PLEKHA7: variants seen among roughly 807,000 people sequenced by gnomAD.
PLEKHA7 encodes the protein pleckstrin homology domain-containing family A member 7.
PLEKHA7 carries 104 observed loss-of-function variants against 170.0 expected under a neutral mutation model. That is an observed-to-expected ratio of 0.61 (90% CI 0.52 to 0.72). PLEKHA7 has a LOEUF of 0.72. PLEKHA7 is among the 30% of genes least tolerant of loss of function. The pLI, the probability that PLEKHA7 is intolerant of heterozygous loss-of-function variation, is 0.00. For missense variants in PLEKHA7, 1,615 were observed against 1,671.7 expected (o/e 0.97, Z 0.59); for synonymous variants, 648 against 660.8 (o/e 0.98, Z 0.30).
chr11:16,906,380 G>A (rs1857706632), intron 3 of PLEKHA7, among the ~76,000 whole-genome samples: 1 of 129,760 alleles, frequency 7.7e-6, no homozygotes, highest in Admixed American at 7.9e-5. Flanking sequence ...AGCCAAAGCT[G>A]GACTGTACTG....
chr11:17,001,618 C>T (rs1696449996), intron 3 of PLEKHA7, among the ~76,000 whole-genome samples: 2 of 152,170 alleles, frequency 1.3e-5, no homozygotes, highest in Non-Finnish European at 1.5e-5. Context: ...GCATGCTGCT[C>T]CCCTTCCCTG....
chr11:16,800,062 T>C (rs1848487639), intron 17 of PLEKHA7, among the ~76,000 whole-genome samples: 1 of 152,196 alleles, frequency 6.6e-6, no homozygotes, highest in African/African-American at 2.4e-5. Context: ...GTTAGAACTA[T>C]CTTATCAGTT....
At position 16,826,145 on chromosome 11, in the gene PLEKHA7, T is replaced by G. The variant is rs1474140433; in HGVS notation, c.1318A>C (p.Arg440=). ...SNLAQVEHWA[R]AQKGDSRSLP... ...CTCCTGCTATCCCCTTTCTGGGCCCTTGCCCAGTGCTCCACCTGGGCCAGA... is the reference window on the plus strand; with the variant it reads ...CTCCTGCTATCCCCTTTCTGGGCCCGTGCCCAGTGCTCCACCTGGGCCAGA... The change falls in exon 10 of 27, where the codon AGG becomes CGG. Residue 440 remains arginine (R), a synonymous_variant. Transcript: ENST00000531066. 6.2e-7 allele frequency: 1 copy of G among 1,613,808 alleles called. No individual in the cohort carries two copies.
rs961873485 is a variant in PLEKHA7, at chr11:16,973,597, A to G, written c.221+40392T>C. ...AAATCACTTGGGGGCTTAAAGGAAA[A>G]TACTGCCAGGGACCCAACCTCAGAG... On this transcript the variant is annotated intron_variant, in intron 3 of 26. Transcript: ENST00000531066. Among the ~76,000 whole-genome samples, 10 of 152,262 alleles carry G rather than the reference A, an allele frequency of 6.6e-5. No homozygotes were observed. In the East Asian group the frequency reaches 1.9e-3, roughly 29 times the overall value.
chr11:16,863,849 C>T (rs1259263729), intron 4 of PLEKHA7, among the ~76,000 whole-genome samples: 1 of 142,808 alleles, frequency 7.0e-6, no homozygotes, highest in Admixed American at 7.2e-5. Context: ...AAGAAAGTCA[C>T]TGAGAATCAG....
rs775476074 is a variant in PLEKHA7, at chr11:16,817,173, G to A, written c.1493C>T (p.Ala498Val). 1.5e-5 allele frequency: 24 copies of A among 1,614,042 alleles called. No individual in the cohort carries two copies. Among genetic ancestry groups the A allele is most frequent in the South Asian group, 7.7e-5 (7 of 91,090 alleles). ...PRNLPSDYKY[A>V]QDRASHLKMS... ...CTTCAGGTGGCTGGCTCGGTCCTGC[G>A]CATACTTGTAGTCACTTGGCAGGTT... Residue 498 changes from alanine to valine, a missense_variant, in exon 11 of 27, where the codon GCG becomes GTG. Physicochemically the swap from Ala to Val is moderately conservative, Grantham distance 64. Transcript: ENST00000531066. The surrounding 1 kb of genome is among the most constrained non-coding windows in gnomAD (Gnocchi z 4.4).
At chr11:16,806,027 C>T (rs1164648743) in intron 13 of PLEKHA7, among the ~76,000 whole-genome samples, 1 of 152,188 alleles carries the variant, frequency 6.6e-6, no homozygotes, top group Non-Finnish European at 1.5e-5. Flanking sequence ...TCTCTCCTCA[C>T]TAGAGAGTAA....
intron 3 of PLEKHA7, among the ~76,000 whole-genome samples, chr11:16,906,891 C>A (rs1240711788): frequency 5.4e-3 from 731 of 135,694 alleles, no homozygotes; most frequent in African/African-American, 0.025. Flanking sequence ...AGCGTCTCTG[C>A]CACGCCGCCC....
intron 24 of PLEKHA7, among the ~76,000 whole-genome samples, chr11:16,785,470 C>T (rs191801512): frequency 2.2e-4 from 34 of 152,292 alleles, no homozygotes; most frequent in African/African-American, 7.5e-4. Flanking sequence ...AGGCCCTGTG[C>T]CAGGGACTAG....
chr11:16,871,494 T>C (rs1400967626), intron 3 of PLEKHA7, among the ~76,000 whole-genome samples: 1 of 152,120 alleles, frequency 6.6e-6, no homozygotes, highest in African/African-American at 2.4e-5. Flanking sequence ...ACTGAGACGA[T>C]GAACAAAAAG....
chr11:16,913,773 A>T (rs1026578888), intron 3 of PLEKHA7, among the ~76,000 whole-genome samples: 2 of 152,230 alleles, frequency 1.3e-5, no homozygotes, highest in African/African-American at 4.8e-5. Context: ...CCTTCTGTGC[A>T]CAATGGTCAG....
chr11:16,870,571 A>G (rs1279308070), intron 4 of PLEKHA7, among the ~76,000 whole-genome samples: 2 of 151,248 alleles, frequency 1.3e-5, no homozygotes, highest in Admixed American at 6.6e-5. Context: ...CCAAGGCTGC[A>G]GTGAGCCAAG....
At chr11:16,790,978 TG>T in intron 20 of PLEKHA7, 32 bp downstream of exon 20, 1 of 1,613,858 alleles carries the variant, frequency 6.2e-7, no homozygotes, top group Non-Finnish European at 8.5e-7. Context: ...TCTCCCCACA[TG>T]TAGAGTGGCA....
intron 3 of PLEKHA7, among the ~76,000 whole-genome samples, chr11:16,905,851 G>C (rs969244004): frequency 6.6e-6 from 1 of 152,148 alleles, no homozygotes; most frequent in African/African-American, 2.4e-5. Flanking sequence ...ATTTATTTAA[G>C]ACAGGAATCA....
chr11:16,782,608 AG>A, intron 26 of PLEKHA7, 145 bp downstream of exon 26: 1 of 1,022,918 alleles, frequency 9.8e-7, no homozygotes, highest in Non-Finnish European at 1.4e-6. Context: ...CAGGATGCCG[AG>A]TGGTCAGGGG....
intron 13 of PLEKHA7, among the ~76,000 whole-genome samples, chr11:16,803,982 T>A (rs1307942458): frequency 6.6e-6 from 1 of 152,232 alleles, no homozygotes; most frequent in Non-Finnish European, 1.5e-5. Context: ...CACCCAAACT[T>A]GCGGGCCAAT....
intron 3 of PLEKHA7, among the ~76,000 whole-genome samples, chr11:16,930,959 A>G (rs1418017505): frequency 6.6e-6 from 1 of 152,200 alleles, no homozygotes; most frequent in East Asian, 1.9e-4. Flanking sequence ...CATGGAGCAC[A>G]CCACCAAGGA....
At chr11:16,827,351 T>G (rs761451610) in intron 9 of PLEKHA7, among the ~76,000 whole-genome samples, 1 of 152,198 alleles carries the variant, frequency 6.6e-6, no homozygotes, top group African/African-American at 2.4e-5. Context: ...ATTTTAGCAA[T>G]AAGGAAACTG....
chr11:16,809,384 T>C (rs532760002), intron 13 of PLEKHA7, among the ~76,000 whole-genome samples: 7 of 152,130 alleles, frequency 4.6e-5, no homozygotes, highest in Non-Finnish European at 1.0e-4. Context: ...CAAGTCAACG[T>C]GGCACATGGA....
Sources: gnomAD v4.1 joint callset for allele counts (sites outside exome capture counted in the v4.1 genomes callset) on GRCh38, gnomAD v4.1.1 for gene constraint, Gnocchi (gnomAD v3.1) non-coding constraint, MANE v1.5 for transcripts, NCBI Gene and HGNC (gene_info 2026-07-23, HGNC 2026-07-21) for gene names.